Variants in MACROD2 observed in about 807,000 individuals in gnomAD.
MACROD2 encodes ADP-ribose glycohydrolase MACROD2.
Under a neutral mutation model 70.4 loss-of-function variants are expected in MACROD2, and 36 were observed. That is an observed-to-expected ratio of 0.51 (90% confidence interval 0.39 to 0.68). The LOEUF (loss-of-function observed/expected upper bound fraction) is 0.68, where lower values mean the gene tolerates loss of function less well. MACROD2 is among the 30% of genes least tolerant of loss of function. The pLI, the probability that MACROD2 is intolerant of heterozygous loss-of-function variation, is 0.00. For synonymous variants in MACROD2, 172 were observed against 178.8 expected (o/e 0.96, Z 0.30); for missense variants, 496 against 538.4 (o/e 0.92, Z 0.78).
intron 4 of MACROD2, among the ~76,000 whole-genome samples, chr20:14,678,880 T>C (rs1568734428): frequency 1.3e-5 from 2 of 152,162 alleles, no homozygotes; most frequent in Non-Finnish European, 2.9e-5. Context: ...ACACTAGCTG[T>C]GTATTTGACT....
At chr20:14,942,516 C>G (rs1356837923) in intron 5 of MACROD2, among the ~76,000 whole-genome samples, 1 of 151,996 alleles carries the variant, frequency 6.6e-6, no homozygotes, top group Non-Finnish European at 1.5e-5. Context: ...AAACCTAAAC[C>G]AAACAGAATT....
At position 15,711,333 on chromosome 20, in the gene MACROD2, A is replaced by G. The variant is rs1477853338; in HGVS notation, c.646-151412A>G. On this transcript the variant is annotated intron_variant, in intron 8 of 17. Transcript: ENST00000684519. ...CTCGTGGTATGTTAATTGCTAAAAT[A>G]TAAACAAAGGTAAGAAAGGTGCTTT... Among the ~76,000 whole-genome samples the G allele has an allele frequency of 5.9e-5, 9 of 152,236 alleles. No individual in the cohort carries two copies. In the South Asian group the frequency reaches 1.2e-3, roughly 21 times the overall value.
chr20:15,163,547 C>A (rs750240138), intron 5 of MACROD2, among the ~76,000 whole-genome samples: 1 of 151,972 alleles, frequency 6.6e-6, no homozygotes, highest in Non-Finnish European at 1.5e-5. Context: ...GAAACCTGAT[C>A]TTCAAAATTA....
At chr20:14,828,354 G>T (rs2072925430) in intron 5 of MACROD2, among the ~76,000 whole-genome samples, 1 of 152,124 alleles carries the variant, frequency 6.6e-6, no homozygotes, top group African/African-American at 2.4e-5. Flanking sequence ...TAAATATTCA[G>T]ATGTGTTACC....
chr20:14,994,393 G>A (rs1455709591), intron 5 of MACROD2, among the ~76,000 whole-genome samples: 1 of 152,000 alleles, frequency 6.6e-6, no homozygotes, highest in Non-Finnish European at 1.5e-5. Flanking sequence ...AAACGTTCTT[G>A]ATCTCTCTTC....
At chr20:14,587,094 G>A (rs1447560859) in intron 4 of MACROD2, among the ~76,000 whole-genome samples, 1 of 151,634 alleles carries the variant, frequency 6.6e-6, no homozygotes, top group Non-Finnish European at 1.5e-5. Flanking sequence ...TCATTTCTTT[G>A]TGTCTTTTTA....
intron 6 of MACROD2, among the ~76,000 whole-genome samples, chr20:15,261,128 G>T (rs2077245703): frequency 6.6e-6 from 1 of 151,902 alleles, no homozygotes; most frequent in African/African-American, 2.4e-5. Flanking sequence ...TAAATGAGGT[G>T]CTGCTCTAGT....
At chr20:15,189,631 G>A (rs776975887) in intron 5 of MACROD2, among the ~76,000 whole-genome samples, 14 of 151,988 alleles carry the variant, frequency 9.2e-5, no homozygotes, top group East Asian at 1.9e-4. Flanking sequence ...GCTGCACTTC[G>A]GTCAGGCTGG....
At chr20:15,757,082 A>T (rs1434306725) in intron 8 of MACROD2, among the ~76,000 whole-genome samples, 1 of 152,246 alleles carries the variant, frequency 6.6e-6, no homozygotes, top group Non-Finnish European at 1.5e-5. Context: ...TTACTGAAAA[A>T]TTGATTGGAT....
intron 5 of MACROD2, among the ~76,000 whole-genome samples, chr20:15,088,171 A>C (rs897807460): frequency 2.0e-5 from 3 of 151,700 alleles, no homozygotes; most frequent in Non-Finnish European, 4.4e-5. Context: ...TTATCCTACA[A>C]AAATCAGTTT....
intron 5 of MACROD2, among the ~76,000 whole-genome samples, chr20:15,177,178 T>C (rs1033015525): frequency 2.6e-5 from 4 of 152,210 alleles, no homozygotes; most frequent in Non-Finnish European, 5.9e-5. Context: ...TGCAGCCTGC[T>C]GGGCCGAGTG....
At chr20:14,626,680 A>G (rs550531986) in intron 4 of MACROD2, among the ~76,000 whole-genome samples, 3 of 152,164 alleles carry the variant, frequency 2.0e-5, no homozygotes, top group Non-Finnish European at 4.4e-5. Flanking sequence ...AGGCAAGGAA[A>G]ACAATAATCC....
At chr20:15,857,064 C>A (rs2064365002) in intron 8 of MACROD2, among the ~76,000 whole-genome samples, 1 of 152,174 alleles carries the variant, frequency 6.6e-6, no homozygotes, top group South Asian at 2.1e-4. Flanking sequence ...GGAGTTAAGT[C>A]AGATAAGCAG....
At chr20:15,273,417 C>T (rs1005091054) in intron 6 of MACROD2, among the ~76,000 whole-genome samples, 2 of 147,648 alleles carry the variant, frequency 1.4e-5, no homozygotes, top group Non-Finnish European at 3.0e-5. Flanking sequence ...AACTCCCCTC[C>T]ATATATATAT....
intron 3 of MACROD2, among the ~76,000 whole-genome samples, chr20:14,469,754 C>T (rs1412397764): frequency 2.6e-5 from 4 of 151,888 alleles, no homozygotes; most frequent in Admixed American, 6.6e-5. Context: ...ACGAAGTTCT[C>T]GTGCTGTGTT....
intron 3 of MACROD2, among the ~76,000 whole-genome samples, chr20:14,269,139 G>A (rs2082169019): frequency 6.6e-6 from 1 of 152,140 alleles, no homozygotes; most frequent in Admixed American, 6.5e-5. Flanking sequence ...ATTTTGCATT[G>A]CCTTATTGTG....
chr20:15,725,946 C>CTTTATATAGGTAAATCTACATAAT (rs1195868874), intron 8 of MACROD2, among the ~76,000 whole-genome samples: 3 of 151,612 alleles, frequency 2.0e-5, no homozygotes, highest in African/African-American at 7.3e-5. Context: ...ATAGGTAAAC[C>CTTTATATAGGTAAATCTACATAAT]TTTATATAGG....
At chr20:14,686,244 G>A (rs1294614740) in intron 5 of MACROD2, among the ~76,000 whole-genome samples, 1 of 152,026 alleles carries the variant, frequency 6.6e-6, no homozygotes, top group African/African-American at 2.4e-5. Context: ...TTCAGATTTT[G>A]AAATATTTGC....
At chr20:14,233,902 G>A (rs1187432271) in intron 3 of MACROD2, among the ~76,000 whole-genome samples, 1 of 152,054 alleles carries the variant, frequency 6.6e-6, no homozygotes, top group Non-Finnish European at 1.5e-5. Context: ...TAGGAGTTGA[G>A]TAGGAGGAGT....
Sources: allele counts gnomAD v4.1 joint callset (sites outside exome capture counted in the v4.1 genomes callset), GRCh38; gene constraint gnomAD v4.1.1; transcripts MANE v1.5; gene names NCBI Gene and HGNC (gene_info 2026-07-23, HGNC 2026-07-21).